CNBD1: variants seen among roughly 807,000 people sequenced by gnomAD.
The protein encoded by CNBD1 is cyclic nucleotide binding domain containing 1, also known as cyclic nucleotide-binding domain-containing protein 1.
A neutral mutation model predicts 54.4 loss-of-function variants in CNBD1; 71 were observed. The observed-to-expected ratio is 1.30, with a 90% CI of 1.08 to 1.59. The LOEUF is 1.59. Ranked by LOEUF, CNBD1 falls within the 40% of genes most tolerant of loss-of-function variation. CNBD1 has a pLI of 0.00. For synonymous variants in CNBD1, 182 were observed against 170.7 expected, an observed-to-expected ratio of 1.07 and a Z score of -0.51; for missense variants, 659 against 518.0, an observed-to-expected ratio of 1.27 and a Z score of -2.64.
chr8:86,967,596 ATTCT>A (rs986744891), intron 4 of CNBD1, among the ~76,000 whole-genome samples: 1 of 152,212 alleles, frequency 6.6e-6, no homozygotes, highest in African/African-American at 2.4e-5. Flanking sequence ...CATCAAAAGC[ATTCT>A]TTCTTTTACA....
At position 87,395,102 on chromosome 8, in the gene CNBD1, G is replaced by C. The variant is rs75491376; in HGVS notation, c.214-33444G>C. On this transcript the variant is annotated intron_variant, in intron 2 of 7. Transcript: ENST00000521593. ...TAACATAAAGTTAAATGTATGCTTT[G>C]AACTAGGCAAATATGACTATAGAGT... Among the ~76,000 whole-genome samples the C allele has an allele frequency of 1.4e-4, 21 of 151,826 alleles. 1 individual carries two copies. The East Asian group carries it at 3.9e-3, about 28-fold the overall frequency.
At chr8:86,878,577 G>GAA (rs3063708) in intron 1 of CNBD1, among the ~76,000 whole-genome samples, 15 of 144,112 alleles carry the variant, frequency 1.0e-4, no homozygotes, top group Middle Eastern at 7.7e-3. Flanking sequence ...ACTTTATTCT[G>GAA]AAAAAAAAAA....
At chr8:87,275,556 A>G (rs13439229) in intron 6 of CNBD1, among the ~76,000 whole-genome samples, 42,266 of 151,246 alleles carry the variant, frequency 0.28, 6,312 homozygotes, top group African/African-American at 0.39. Context: ...TAAATTAGGT[A>G]TTGATGGGAC....
chr8:87,351,439 A>G (rs998114096), intron 8 of CNBD1, among the ~76,000 whole-genome samples: 8 of 152,298 alleles, frequency 5.3e-5, no homozygotes, highest in Non-Finnish European at 1.0e-4. Flanking sequence ...GTATACTAGC[A>G]TATCAGTGCC....
At chr8:87,017,899 A>T (rs1287386294) in intron 4 of CNBD1, among the ~76,000 whole-genome samples, 7 of 152,350 alleles carry the variant, frequency 4.6e-5, no homozygotes, top group Non-Finnish European at 7.3e-5. Flanking sequence ...TTTTATAAAG[A>T]CTGAAACTAA....
chr8:87,117,282 C>T (rs1811792134), intron 4 of CNBD1, among the ~76,000 whole-genome samples: 1 of 151,602 alleles, frequency 6.6e-6, no homozygotes, highest in South Asian at 2.1e-4. Context: ...GCCTATAATC[C>T]CAGCTACTCA....
chr8:86,944,158 A>G (rs139163543), intron 4 of CNBD1, among the ~76,000 whole-genome samples: 2 of 152,374 alleles, frequency 1.3e-5, no homozygotes, highest in East Asian at 3.9e-4. Context: ...GGAAATGATG[A>G]TAAGTAAAGA....
At chr8:87,207,825 G>C (rs767427859) in intron 5 of CNBD1, among the ~76,000 whole-genome samples, 5 of 151,916 alleles carry the variant, frequency 3.3e-5, no homozygotes, top group Middle Eastern at 3.2e-3. Context: ...ATTTCAATAG[G>C]GTGTACTTTC....
At chr8:87,254,300 G>A (rs543609306) in intron 6 of CNBD1, among the ~76,000 whole-genome samples, 2 of 152,226 alleles carry the variant, frequency 1.3e-5, no homozygotes, top group Admixed American at 6.5e-5. Context: ...GAGATAGTTG[G>A]AAAAGGACTC....
rs545379419 is a variant in CNBD1, at chr8:87,389,903, T to C, written c.213+36117T>C. Among the ~76,000 whole-genome samples, 106 of 152,202 alleles carry C rather than the reference T, an allele frequency of 7.0e-4. 1 individual carries two copies. The highest frequency in any genetic ancestry group is 2.5e-3 in the African/African-American group (104 of 41,522). ...TGGTACTGGTACCTAAACAGAGATATAGACCAATGGAACAGAACAGAGCCC... is the reference window on the plus strand; with the variant it reads ...TGGTACTGGTACCTAAACAGAGATACAGACCAATGGAACAGAACAGAGCCC... On this transcript the variant is annotated intron_variant, in intron 2 of 7. Coordinates refer to the CNBD1 transcript ENST00000521593.
chr8:87,231,507 A>G (rs1007689497), intron 5 of CNBD1, among the ~76,000 whole-genome samples: 2 of 152,176 alleles, frequency 1.3e-5, no homozygotes, highest in Non-Finnish European at 2.9e-5. Flanking sequence ...CCTCAGTTGT[A>G]AAGTTGAAGC....
At chr8:87,077,239 C>T (rs1810890643) in intron 4 of CNBD1, among the ~76,000 whole-genome samples, 1 of 152,084 alleles carries the variant, frequency 6.6e-6, no homozygotes, top group Admixed American at 6.6e-5. Context: ...ACTTAAACAA[C>T]AAACTTGTAT....
At chr8:87,143,719 G>T (rs1451107697) in intron 4 of CNBD1, among the ~76,000 whole-genome samples, 1 of 152,124 alleles carries the variant, frequency 6.6e-6, no homozygotes. Context: ...GTTGAATCAG[G>T]ACTGTGAGTG....
intron 6 of CNBD1, among the ~76,000 whole-genome samples, chr8:87,275,456 A>G (rs1808457292): frequency 6.6e-6 from 1 of 152,030 alleles, no homozygotes; most frequent in African/African-American, 2.4e-5. Flanking sequence ...TTCATTGAGC[A>G]GTGGTTTGTA....
intron 2 of CNBD1, among the ~76,000 whole-genome samples, chr8:87,403,896 AG>A (rs1807608208): frequency 6.6e-6 from 1 of 152,034 alleles, no homozygotes; most frequent in African/African-American, 2.4e-5. Context: ...AATCTATGAA[AG>A]CCACTCTCCC....
chr8:86,986,671 T>C (rs1049250269), intron 4 of CNBD1, among the ~76,000 whole-genome samples: 4 of 152,186 alleles, frequency 2.6e-5, no homozygotes, highest in South Asian at 2.1e-4. Flanking sequence ...CTTTAATCCA[T>C]CTTGAGTTTA....
chr8:86,919,951 G>T, intron 3 of CNBD1, among the ~76,000 whole-genome samples: 1 of 152,092 alleles, frequency 6.6e-6, no homozygotes, highest in Non-Finnish European at 1.5e-5. Flanking sequence ...ACTGGTTCAT[G>T]GACCACAATT....
chr8:87,279,819 G>A (rs746310562), intron 6 of CNBD1, among the ~76,000 whole-genome samples: 1 of 151,120 alleles, frequency 6.6e-6, no homozygotes, highest in South Asian at 2.1e-4. Flanking sequence ...GAAAGGCAAG[G>A]ATTGAAAAAT....
chr8:87,273,613 T>C (rs1808413455), intron 6 of CNBD1, among the ~76,000 whole-genome samples: 1 of 151,978 alleles, frequency 6.6e-6, no homozygotes, highest in Non-Finnish European at 1.5e-5. Flanking sequence ...GTGACACTTA[T>C]CCCAGTAACT....
Sources: gnomAD v4.1 joint callset for allele counts (sites outside exome capture counted in the v4.1 genomes callset) on GRCh38, gnomAD v4.1.1 for gene constraint, MANE v1.5 for transcripts, NCBI Gene and HGNC (gene_info 2026-07-23, HGNC 2026-07-21) for gene names.